SKAP2: variants seen among roughly 807,000 people sequenced by gnomAD.
SKAP2 encodes the protein src kinase-associated phosphoprotein 2.
SKAP2 carries 28 observed loss-of-function variants against 54.9 expected under a neutral mutation model. The ratio of observed to expected loss-of-function variants is 0.51; its 90% CI spans 0.38 to 0.70. SKAP2 has a LOEUF of 0.70. Ranked by LOEUF, SKAP2 falls within the 30% of genes least tolerant of loss-of-function variation. The pLI, the probability that SKAP2 is intolerant of heterozygous loss-of-function variation, is 0.00. For synonymous variants in SKAP2, 137 were observed against 134.3 expected, an observed-to-expected ratio of 1.02 and a Z score of -0.14; for missense variants, 356 against 424.1, an observed-to-expected ratio of 0.84 and a Z score of 1.41.
intron 9 of SKAP2, among the ~76,000 whole-genome samples, chr7:26,703,393 A>G (rs1275519290): frequency 6.6e-6 from 1 of 152,248 alleles, no homozygotes; most frequent in Non-Finnish European, 1.5e-5. Flanking sequence ...GAAGGTAAGT[A>G]CATTTTAAGC....
rs180932743 is a variant in SKAP2, at chr7:26,813,054, C to A, written c.307+30976G>T. Among the ~76,000 whole-genome samples the A allele has an allele frequency of 4.6e-5, 7 of 152,240 alleles. No homozygotes were observed. The East Asian group carries it at 1.3e-3, about 29-fold the overall frequency. ...CAGAATTCAAAATTTGACTTCTAAT[C>A]TTATATAAAAACTAGTTCTTAAATG... On this transcript the variant is annotated intron_variant, in intron 4 of 12. Coordinates refer to ENST00000345317, the MANE Select transcript of SKAP2 (RefSeq NM_003930.5).
At position 26,807,465 on chromosome 7, in the gene SKAP2, G is replaced by A. The variant is rs535927169; in HGVS notation, c.307+36565C>T. Among the ~76,000 whole-genome samples, 3 of 152,322 alleles carry A rather than the reference G, an allele frequency of 2.0e-5. No individual in the cohort carries two copies. The East Asian group carries it at 5.8e-4, about 29-fold the overall frequency. ...TCTGTCTCTCCTTCCACCTTGTGAA[G>A]AAGCTGCTTGTGTCTCTTTAACTTT... On this transcript the variant is annotated intron_variant, in intron 4 of 12. Coordinates refer to ENST00000345317, the MANE Select transcript of SKAP2 (RefSeq NM_003930.5).
Position 26,668,662 on chromosome 7 carries a change from G to GTTTTTTTTTTTTTTTTTTTTT in SKAP2, c.*1003_*1004insAAAAAAAAAAAAAAAAAAAAA, listed in dbSNP as rs369317261. 1 of 122,994 alleles carries GTTTTTTTTTTTTTTTTTTTTT rather than the reference G, an allele frequency of 8.1e-6. No homozygotes were observed. Among genetic ancestry groups the GTTTTTTTTTTTTTTTTTTTTT allele is most frequent in the Admixed American group, 8.7e-5 (1 of 11,462 alleles). 7.6% of individuals were successfully genotyped at this position (122,994 alleles called of 1,614,324 possible). A position where few individuals can be genotyped will look rare whatever the true frequency, so the allele number is the denominator to read the frequency against. On this transcript the variant is annotated 3_prime_UTR_variant, in exon 13 of 13. Coordinates refer to ENST00000345317, the MANE Select transcript of SKAP2 (RefSeq NM_003930.5). ...TACTTTGAGAATACACTGAGATTCTGTTTTTTTTTTTTTTTTTTTCTGAGA... is the reference window on the plus strand; with the variant it reads ...TACTTTGAGAATACACTGAGATTCTGTTTTTTTTTTTTTTTTTTTTTTTTTTTTTTTTTTTTTTTTCTGAGA...
chr7:26,734,449 T>C (rs1787882731), intron 6 of SKAP2, among the ~76,000 whole-genome samples: 1 of 152,218 alleles, frequency 6.6e-6, no homozygotes, highest in Non-Finnish European at 1.5e-5. Flanking sequence ...ATTCCATTTT[T>C]GATCCCATCC....
chr7:26,748,113 T>A (rs1390637479), intron 4 of SKAP2, among the ~76,000 whole-genome samples: 1 of 152,152 alleles, frequency 6.6e-6, no homozygotes, highest in African/African-American at 2.4e-5. Context: ...AACTATCTTA[T>A]TACATATCTG....
At chr7:26,831,314 A>G (rs1251800955) in intron 4 of SKAP2, among the ~76,000 whole-genome samples, 2 of 152,202 alleles carry the variant, frequency 1.3e-5, no homozygotes, top group Non-Finnish European at 2.9e-5. Flanking sequence ...AGAAAAAGGC[A>G]TGATATATTT....
rs79569630 is a variant in SKAP2 at position 26,861,349 on chromosome 7, C to T, written c.67+3014G>A. On this transcript the variant is annotated intron_variant, in intron 1 of 12. Coordinates refer to ENST00000345317, the MANE Select transcript of SKAP2 (RefSeq NM_003930.5). ...GGGATTGTCCTTTGATTTCAATTAT[C>T]CAGGCTAAACCTGTTTTTCCATTGT... 6.5e-3 allele frequency among the ~76,000 whole-genome samples: 982 copies of T among 152,128 alleles called. 9 individuals are homozygous for T. The highest frequency in any genetic ancestry group is 0.011 in the Non-Finnish European group (730 of 67,928).
intron 4 of SKAP2, among the ~76,000 whole-genome samples, chr7:26,830,731 T>C (rs577012354): frequency 3.4e-4 from 52 of 152,248 alleles, no homozygotes; most frequent in African/African-American, 1.2e-3. Flanking sequence ...TTTCCTCAAG[T>C]GTGAAGCAAG....
intron 10 of SKAP2, among the ~76,000 whole-genome samples, chr7:26,685,534 C>A (rs73075577): frequency 0.088 from 13,416 of 152,090 alleles, 763 homozygotes; most frequent in Non-Finnish European, 0.14. Context: ...TTTGTCAGCC[C>A]CGGTTTAGGA....
chr7:26,757,476 C>T (rs567874261), intron 4 of SKAP2, among the ~76,000 whole-genome samples: 22 of 152,152 alleles, frequency 1.4e-4, no homozygotes, highest in Admixed American at 7.2e-4. Context: ...AAAGATCAGA[C>T]GGTTGCAGAT....
intron 4 of SKAP2, among the ~76,000 whole-genome samples, chr7:26,833,084 C>T (rs908164828): frequency 2.0e-5 from 3 of 152,136 alleles, no homozygotes; most frequent in African/African-American, 7.2e-5. Flanking sequence ...TAACTCTAGA[C>T]TCCCTACCAC....
rs1383649784 is a variant in SKAP2 at position 26,672,926 on chromosome 7, A to C, written c.988-2734T>G. Among the ~76,000 whole-genome samples, 5 of 152,096 alleles carry C rather than the reference A, an allele frequency of 3.3e-5. 1 individual carries two copies. The South Asian group carries it at 6.2e-4, about 19-fold the overall frequency. On this transcript the variant is annotated intron_variant, in intron 11 of 12. Transcript: ENST00000345317. The stretch of plus-strand genomic sequence containing the variant: ...ACAAGGTTTCCTTCTGAAAAAGAAA[A>C]TCTGCCTGTCTATGCCTTTCCTCTT...
At chr7:26,771,885 T>C (rs1289629469) in intron 4 of SKAP2, among the ~76,000 whole-genome samples, 2 of 152,170 alleles carry the variant, frequency 1.3e-5, no homozygotes, top group Non-Finnish European at 2.9e-5. Context: ...TTATACTGAA[T>C]AACAAACGGG....
At chr7:26,857,787 G>T (rs565730747) in intron 1 of SKAP2, 3 of 947,416 alleles carry the variant, frequency 3.2e-6, no homozygotes, top group Non-Finnish European at 3.8e-6. Context: ...AGCAATAAGA[G>T]TCTTGGGCGA....
chr7:26,695,892 G>C (rs1786884673), intron 9 of SKAP2, among the ~76,000 whole-genome samples: 1 of 152,106 alleles, frequency 6.6e-6, no homozygotes. Context: ...GAGGTGACAT[G>C]GGGGAACAGA....
chr7:26,822,949 T>C (rs989412044), intron 4 of SKAP2, among the ~76,000 whole-genome samples: 5 of 151,832 alleles, frequency 3.3e-5, no homozygotes, highest in Non-Finnish European at 7.4e-5. Context: ...TCCACATCTC[T>C]CACTGTAAAT....
At chr7:26,687,944 A>C (rs1048013442) in intron 10 of SKAP2, among the ~76,000 whole-genome samples, 4 of 152,072 alleles carry the variant, frequency 2.6e-5, no homozygotes, top group Admixed American at 6.6e-5. Context: ...ACAAAAAAAA[A>C]CTACATTATG....
intron 11 of SKAP2, among the ~76,000 whole-genome samples, chr7:26,681,901 A>G (rs1276322670): frequency 2.0e-5 from 3 of 152,220 alleles, no homozygotes; most frequent in Admixed American, 6.5e-5. Context: ...TGGAATAGGA[A>G]AGTAATAACC....
intron 4 of SKAP2, among the ~76,000 whole-genome samples, chr7:26,835,793 T>C (rs1055071183): frequency 1.3e-5 from 2 of 152,052 alleles, no homozygotes; most frequent in Non-Finnish European, 2.9e-5. Flanking sequence ...CTCAATGCTA[T>C]CCCCATCAAG....
Sources: gnomAD v4.1 joint callset for allele counts (sites outside exome capture counted in the v4.1 genomes callset) on GRCh38, gnomAD v4.1.1 for gene constraint, MANE v1.5 for transcripts, NCBI Gene and HGNC (gene_info 2026-07-23, HGNC 2026-07-21) for gene names.